Variants in FAT1 observed in about 807,000 individuals in gnomAD.
The protein encoded by FAT1 is protocadherin Fat 1.
A neutral mutation model predicts 329.8 loss-of-function variants in FAT1; 171 were observed. The observed-to-expected ratio is 0.52, with a 90% confidence interval of 0.46 to 0.59. The LOEUF (loss-of-function observed/expected upper bound fraction) is 0.59, where lower values mean the gene tolerates loss of function less well. FAT1 is among the 20% of genes least tolerant of loss of function. FAT1 has a pLI of 0.00. For missense variants in FAT1, 5,672 were observed against 5,774.4 expected (o/e 0.98, Z 0.57); for synonymous variants, 2,233 against 2,228.6 (o/e 1.00, Z -0.06).
chr4:186,658,024 C>T (rs2126607062), intron 3 of FAT1, among the ~76,000 whole-genome samples: 1 of 152,282 alleles, frequency 6.6e-6, no homozygotes, highest in East Asian at 1.9e-4. Flanking sequence ...TGCCAAGGCT[C>T]CAATCTGAGT....
chr4:186,632,173 A>G (rs1347949018), intron 7 of FAT1, among the ~76,000 whole-genome samples: 2 of 152,228 alleles, frequency 1.3e-5, no homozygotes, highest in Non-Finnish European at 2.9e-5. Flanking sequence ...TAGGGATTTT[A>G]GTTGGTGCAC....
At chr4:186,662,999 G>T (rs1035235350) in intron 3 of FAT1, among the ~76,000 whole-genome samples, 1 of 152,068 alleles carries the variant, frequency 6.6e-6, no homozygotes, top group Non-Finnish European at 1.5e-5. Flanking sequence ...ACCACGCCCA[G>T]CTAATTTTTT....
intron 1 of FAT1, among the ~76,000 whole-genome samples, chr4:186,721,736 A>C (rs1052552184): frequency 3.9e-5 from 6 of 152,260 alleles, no homozygotes; most frequent in African/African-American, 1.4e-4. Context: ...TAACATTCAA[A>C]GAAACGACTG....
At chr4:186,652,887 T>C (rs1227650838) in intron 3 of FAT1, among the ~76,000 whole-genome samples, 2 of 152,230 alleles carry the variant, frequency 1.3e-5, no homozygotes, top group African/African-American at 4.8e-5. Flanking sequence ...TTCTACCATT[T>C]TGTAACTTTA....
intron 25 of FAT1, 78 bp from the exon 26 acceptor site, chr4:186,595,904 G>C: frequency 6.9e-7 from 1 of 1,458,536 alleles, no homozygotes; most frequent in Non-Finnish European, 9.4e-7. Flanking sequence ...GACACACCAT[G>C]CATTACCCAA....
In FAT1 at chr4:186,663,581, C is replaced by T; in HGVS notation, c.3298G>A (p.Glu1100Lys). Reference protein sequence around the residue: ...VIETSDRLDRESTSHYWLTVF... With the variant: ...VIETSDRLDRKSTSHYWLTVF... ...GTTAGCCAATAATGGGAGGTCGATT[C>T]ACGGTCCAGTCGATCTGACGTCTCT... The change falls in exon 3 of 27, where the codon GAA becomes AAA. Residue 1100 changes from glutamate to lysine, a missense_variant. Around this residue, in one of 2 missense-constraint regions of FAT1, gnomAD observed 3,966 missense variants for 3,915.2 expected, o/e 1.01. Coordinates refer to ENST00000441802, the MANE Select transcript of FAT1 (RefSeq NM_005245.4). The T allele has an allele frequency of 1.2e-6, 2 of 1,610,810 alleles. No individual in the cohort carries two copies. The highest frequency in any genetic ancestry group is 1.7e-6 in the Non-Finnish European group (2 of 1,179,746).
chr4:186,685,226 A>G (rs1323129956), intron 2 of FAT1, among the ~76,000 whole-genome samples: 1 of 152,246 alleles, frequency 6.6e-6, no homozygotes, highest in Non-Finnish European at 1.5e-5. Context: ...GAAAGGAAGA[A>G]TAAGTCTTAC....
rs199581659 is a variant in FAT1, at chr4:186,706,714, C to T, written c.3114G>A (p.Val1038=). Reference sequence around the variant, plus strand: ...CATCTTCTTTCACTGTCCCCTTTTCCACAAAGCTGGAAAACACGGGTGGGT... The same window carrying T: ...CATCTTCTTTCACTGTCCCCTTTTCTACAAAGCTGGAAAACACGGGTGGGT... The part of the protein sequence containing the change: ...NLHPPVFSSF[V]EKGTVKEDAP... The change falls in exon 2 of 27, where the codon GTG becomes GTA. Residue 1038 remains valine, a synonymous_variant. Coordinates refer to ENST00000441802, the MANE Select transcript of FAT1 (RefSeq NM_005245.4). The T allele has an allele frequency of 1.1e-4, 185 of 1,613,816 alleles. No individual in the cohort carries two copies. Among genetic ancestry groups the T allele is most frequent in the Non-Finnish European group, 1.4e-4 (171 of 1,179,884 alleles).
At position 186,628,173 on chromosome 4, in the gene FAT1, C is replaced by T. The variant is rs1740409256; in HGVS notation, c.4791G>A (p.Val1597=). 6.2e-7 allele frequency: 1 copy of T among 1,613,864 alleles called. No homozygotes were observed. Among genetic ancestry groups the T allele is most frequent in the Non-Finnish European group, 8.5e-7 (1 of 1,179,826 alleles). Residue 1597 remains valine, a synonymous_variant, in exon 9 of 27, where the codon GTG becomes GTA. Coordinates refer to ENST00000441802, the MANE Select transcript of FAT1 (RefSeq NM_005245.4). ...AAGTACCTGACTCGATCGAGTACAG[C>T]ACTTCAGCATTTTTCCCTTTGTCCT... The part of the protein sequence containing the change: ...LDKDKGKNAE[V]LYSIESGNIG...
rs2126618150 is a variant in FAT1, at chr4:186,663,524, G to A, written c.3355C>T (p.Leu1119Phe). The stretch of plus-strand genomic sequence containing the variant: ...ATGTAGATCTCTATGAACGATGAAA[G>A]AGGCACGACACCCTGATCGGTTGCA... ...VFATDQGVVP[L>F]SSFIEIYIEV... Residue 1119 changes from leucine (L) to phenylalanine (F), a missense_variant, in exon 3 of 27, where the codon CTT (leucine) becomes TTT (phenylalanine). By Grantham distance (22) the Leu-to-Phe change is conservative. Around this residue, in one of 2 missense-constraint regions of FAT1, gnomAD observed 3,966 missense variants for 3,915.2 expected, o/e 1.01. Transcript: ENST00000441802. 1 of 1,613,174 alleles carries A rather than the reference G, an allele frequency of 6.2e-7. No homozygotes were observed. Among genetic ancestry groups the A allele is most frequent in the Non-Finnish European group, 8.5e-7 (1 of 1,179,714 alleles).
intron 2 of FAT1, among the ~76,000 whole-genome samples, chr4:186,691,104 C>T (rs1743738655): frequency 6.6e-6 from 1 of 152,062 alleles, no homozygotes; most frequent in Non-Finnish European, 1.5e-5. Context: ...GCAGAATTTG[C>T]ACAATTTTGT....
chr4:186,664,539 TTA>T, intron 2 of FAT1, among the ~76,000 whole-genome samples: 1 of 148,436 alleles, frequency 6.7e-6, no homozygotes, highest in Admixed American at 6.6e-5. Context: ...AGAGATGAAA[TTA>T]TATGATTACA....
In FAT1 at chr4:186,624,199, A is replaced by G. The variant is rs181568359; in HGVS notation, c.4811-2424T>C. 9.0e-3 allele frequency among the ~76,000 whole-genome samples: 1,198 copies of G among 132,952 alleles called. 14 individuals are homozygous for G. Among genetic ancestry groups the G allele is most frequent in the Middle Eastern group, 0.043 (10 of 232 alleles). The allele number at this position is 132,952 out of a possible 152,430, so 87.2% of individuals were successfully genotyped here. A position where few individuals can be genotyped will look rare whatever the true frequency, so the allele number is the denominator to read the frequency against. ...GGGGGCTTATTCACTGACTTTAGCT[A>G]CAATATGAGTGATTTTTAAACAACT... On this transcript the variant is annotated intron_variant, in intron 9 of 26. Coordinates refer to ENST00000441802, the MANE Select transcript of FAT1 (RefSeq NM_005245.4).
intron 2 of FAT1, among the ~76,000 whole-genome samples, chr4:186,672,771 G>A (rs1275504617): frequency 6.6e-6 from 1 of 152,186 alleles, no homozygotes; most frequent in East Asian, 1.9e-4. Context: ...TCAGGTTCCA[G>A]ACAATCGTGC....
chr4:186,646,590 A>T (rs923179729), intron 3 of FAT1, among the ~76,000 whole-genome samples: 1 of 152,146 alleles, frequency 6.6e-6, no homozygotes, highest in Non-Finnish European at 1.5e-5. Context: ...AGCATCTCCA[A>T]TTTCAAATGC....
rs752337309 is a variant in FAT1, at chr4:186,663,294, C to T, written c.3580+5G>A. On this transcript the variant is annotated splice_donor_5th_base_variant and intron_variant, in intron 3 of 26. Transcript: ENST00000441802. ...AACATTTCCTATAGCAGTATTAACA[C>T]ATACCTGTTTTAGGATGTATTGAAA... 2 of 1,603,566 alleles carry T rather than the reference C, an allele frequency of 1.2e-6. No individual in the cohort carries two copies. The highest frequency in any genetic ancestry group is 1.3e-5 in the African/African-American group (1 of 74,884).
chr4:186,643,708 T>C (rs1741211819), intron 3 of FAT1, among the ~76,000 whole-genome samples: 1 of 152,114 alleles, frequency 6.6e-6, no homozygotes, highest in African/African-American at 2.4e-5. Flanking sequence ...CCCTGCACTC[T>C]GGCCATACAA....
chr4:186,665,056 C>T (rs2130910), intron 2 of FAT1, among the ~76,000 whole-genome samples: 86,546 of 151,986 alleles, frequency 0.57, 24,953 homozygotes, highest in African/African-American at 0.67. Context: ...CAAAAGGACT[C>T]ACAACTTGAA....
intron 3 of FAT1, among the ~76,000 whole-genome samples, chr4:186,643,406 C>G (rs1370567112): frequency 6.6e-6 from 1 of 152,198 alleles, no homozygotes; most frequent in African/African-American, 2.4e-5. Flanking sequence ...ATTCACAACA[C>G]TTAGCAAAAA....
Sources: gnomAD v4.1 joint callset for allele counts (sites outside exome capture counted in the v4.1 genomes callset) on GRCh38, gnomAD v4.1.1 for gene constraint, gnomAD v4.1.1 regional missense constraint, MANE v1.5 for transcripts, NCBI Gene and HGNC (gene_info 2026-07-23, HGNC 2026-07-21) for gene names.